Variants in CHN1 observed in about 807,000 individuals in gnomAD.
CHN1 encodes the protein N-chimaerin.
In CHN1, 37 loss-of-function variants were observed where a neutral mutation model predicts 59.5. The ratio of observed to expected loss-of-function variants is 0.62; its 90% CI spans 0.48 to 0.82. CHN1 has a LOEUF of 0.82. Among genes scored for constraint, CHN1 ranks in the 40% least tolerant of loss-of-function variants. The probability of loss-of-function intolerance (pLI) is 0.00; values close to 1 mark genes in which losing one functional copy is unlikely to be tolerated. For missense variants in CHN1, 469 were observed against 571.0 expected (o/e 0.82, Z 1.82); for synonymous variants, 206 against 200.4 (o/e 1.03, Z -0.24).
At chr2:174,826,931 G>C (rs148181878) in intron 7 of CHN1, among the ~76,000 whole-genome samples, 2 of 151,988 alleles carry the variant, frequency 1.3e-5, no homozygotes, top group Admixed American at 6.6e-5. Flanking sequence ...ATTTGAGGCT[G>C]GGTTGTTTTT....
chr2:175,003,800 G>C (rs187498145), intron 1 of CHN1, among the ~76,000 whole-genome samples: 222 of 152,254 alleles, frequency 1.5e-3, no homozygotes, highest in Non-Finnish European at 5.1e-4. Context: ...TGCCACAAAA[G>C]AGCCATGTGA....
intron 2 of CHN1, among the ~76,000 whole-genome samples, chr2:174,947,981 T>C (rs1184215178): frequency 3.3e-5 from 5 of 152,144 alleles, no homozygotes; most frequent in Admixed American, 6.6e-5. Context: ...CAAAAATTAA[T>C]AGCTAAATTC....
At chr2:174,913,997 C>T (rs557491380) in intron 5 of CHN1, among the ~76,000 whole-genome samples, 5 of 152,266 alleles carry the variant, frequency 3.3e-5, no homozygotes, top group Admixed American at 3.3e-4. Context: ...TATTCCAAGC[C>T]TTTGGTGAGG....
intron 1 of CHN1, among the ~76,000 whole-genome samples, chr2:174,981,815 C>T (rs1332802257): frequency 6.6e-6 from 1 of 151,900 alleles, no homozygotes; most frequent in African/African-American, 2.4e-5. Flanking sequence ...TATTATTATA[C>T]TTTAAGTTTT....
In CHN1 at chr2:174,954,903, A is replaced by G. The variant is rs530239019; in HGVS notation, c.20-2701T>C. 5.9e-5 allele frequency among the ~76,000 whole-genome samples: 9 copies of G among 152,248 alleles called. No homozygotes were observed. In the East Asian group the frequency reaches 1.7e-3, roughly 29 times the overall value. On this transcript the variant is annotated intron_variant, in intron 1 of 12. Coordinates refer to ENST00000409900, the MANE Select transcript of CHN1 (RefSeq NM_001822.7). ...GGAGATTCCTTAAAGAACTAAAAGT[A>G]GATCTACCATTTGATCCAGTAATTC... is the stretch of plus-strand genomic sequence containing the variant.
intron 11 of CHN1, among the ~76,000 whole-genome samples, chr2:174,807,981 G>C (rs1028979773): frequency 6.6e-6 from 1 of 152,110 alleles, no homozygotes; most frequent in Non-Finnish European, 1.5e-5. Flanking sequence ...AAACCAATAA[G>C]AATTCCCTTC....
Position 174,799,412 on chromosome 2 carries a change from C to A in CHN1, c.*704G>T, listed in dbSNP as rs566431069. The A allele has an allele frequency of 2.3e-6, 1 of 443,890 alleles. No individual in the cohort carries two copies. Among genetic ancestry groups the A allele is most frequent in the Non-Finnish European group, 4.3e-6 (1 of 234,236 alleles). The allele number at this position is 443,890 out of a possible 1,614,324, so 27.5% of individuals were successfully genotyped here. On this transcript the variant is annotated 3_prime_UTR_variant, in exon 13 of 13. Transcript: ENST00000409900. ...TATCAATATTTTTTATTTCTAAAAG[C>A]CAATTTAATAAATTAATAAACGCAT...
At chr2:174,878,209 A>G (rs1466740506) in intron 5 of CHN1, 81 bp from the exon 6 acceptor site, 7 of 1,293,500 alleles carry the variant, frequency 5.4e-6, no homozygotes, top group Non-Finnish European at 7.3e-6. Flanking sequence ...AAAACAAAAA[A>G]AAACTATCGC....
In CHN1 at chr2:174,896,811, TTC is replaced by T. The variant is rs201101821; in HGVS notation, c.260+18245_260+18246del. ...CTGTTTCCAACACCACTGTACTTAA[TTC>T]TGTTTATCAACAAATCCTCAAAATT... On this transcript the variant is annotated intron_variant, in intron 5 of 12. Transcript: ENST00000409900. Among the ~76,000 whole-genome samples the T allele has an allele frequency of 4.2e-3, 635 of 152,292 alleles. 5 individuals carry two copies. The highest frequency in any genetic ancestry group is 0.014 in the African/African-American group (600 of 41,570).
chr2:174,978,495 A>G (rs1484622413), intron 1 of CHN1, among the ~76,000 whole-genome samples: 1 of 152,230 alleles, frequency 6.6e-6, no homozygotes, highest in Admixed American at 6.5e-5. Context: ...CGTAGGTCAC[A>G]TGCCAATGAA....
At chr2:174,963,647 A>G (rs892809682) in intron 1 of CHN1, among the ~76,000 whole-genome samples, 5 of 152,204 alleles carry the variant, frequency 3.3e-5, no homozygotes, top group Admixed American at 1.3e-4. Flanking sequence ...AGCCATCCAC[A>G]AATAACGCAC....
chr2:174,908,758 G>T (rs2105364228), intron 5 of CHN1, among the ~76,000 whole-genome samples: 1 of 152,158 alleles, frequency 6.6e-6, no homozygotes, highest in Admixed American at 6.5e-5. Context: ...TCAGAATCTG[G>T]AGAATTATTT....
At chr2:174,812,797 A>T (rs975481331) in intron 8 of CHN1, among the ~76,000 whole-genome samples, 10 of 152,312 alleles carry the variant, frequency 6.6e-5, no homozygotes, top group Admixed American at 1.3e-4. Flanking sequence ...AATAGCCAAA[A>T]AAAAAACCCA....
At chr2:174,957,951 G>C (rs536911431) in intron 1 of CHN1, among the ~76,000 whole-genome samples, 510 of 152,246 alleles carry the variant, frequency 3.3e-3, no homozygotes, top group Non-Finnish European at 4.3e-3. Context: ...TGAAAGCTCT[G>C]AACACCGAGG....
chr2:174,824,652 C>G, intron 7 of CHN1, 134 bp from the exon 8 acceptor site: 1 of 415,542 alleles, frequency 2.4e-6, no homozygotes, highest in Non-Finnish European at 4.3e-6. Flanking sequence ...GAAATGGGGT[C>G]TCACTGTTGC....
At chr2:174,834,326 T>A (rs1285173790) in intron 7 of CHN1, among the ~76,000 whole-genome samples, 1 of 152,238 alleles carries the variant, frequency 6.6e-6, no homozygotes, top group Non-Finnish European at 1.5e-5. Context: ...AAATATCTTT[T>A]AAAGTTACCC....
intron 3 of CHN1, among the ~76,000 whole-genome samples, chr2:174,925,974 T>G (rs75400362): frequency 6.6e-6 from 1 of 152,196 alleles, no homozygotes; most frequent in Admixed American, 6.5e-5. Flanking sequence ...TGTTTGGTTT[T>G]TCTGTTAACA....
chr2:174,873,505 T>C (rs952800048), intron 6 of CHN1, among the ~76,000 whole-genome samples: 7 of 152,184 alleles, frequency 4.6e-5, no homozygotes, highest in Admixed American at 2.0e-4. Flanking sequence ...ATACAGGTAA[T>C]GGCCTATATT....
At chr2:174,814,732 G>A (rs1250088865) in intron 8 of CHN1, among the ~76,000 whole-genome samples, 3 of 152,140 alleles carry the variant, frequency 2.0e-5, no homozygotes, top group Admixed American at 6.5e-5. Flanking sequence ...GTACCTCAAG[G>A]TTGTCAATCA....
Sources: gnomAD v4.1 joint callset for allele counts (sites outside exome capture counted in the v4.1 genomes callset) on GRCh38, gnomAD v4.1.1 for gene constraint, MANE v1.5 for transcripts, NCBI Gene and HGNC (gene_info 2026-07-23, HGNC 2026-07-21) for gene names.